The following INHBC variants were observed in gnomAD, a reference collection of about 807,000 sequenced individuals.
The protein encoded by INHBC is inhibin subunit beta C, also known as inhibin beta C chain.
INHBC carries 10 observed loss-of-function variants against 12.4 expected under a neutral mutation model. That is an observed-to-expected ratio of 0.81 (90% CI 0.50 to 1.37). The LOEUF (loss-of-function observed/expected upper bound fraction) is 1.37. INHBC is among the 40% of genes most tolerant of loss of function. The probability of loss-of-function intolerance (pLI) is 0.00; values close to 1 mark genes in which losing one functional copy is unlikely to be tolerated. For missense variants in INHBC, 382 were observed against 439.4 expected (o/e 0.87, Z 1.17); for synonymous variants, 147 against 171.6 (o/e 0.86, Z 1.12).
intron 1 of INHBC, among the ~76,000 whole-genome samples, chr12:57,443,036 A>G (rs1393490405): frequency 1.3e-5 from 2 of 150,026 alleles, no homozygotes; most frequent in East Asian, 3.9e-4. Context: ...TCCAATTTAC[A>G]TGAAGCCTAG....
At chr12:57,440,754 A>G (rs1388015466) in intron 1 of INHBC, among the ~76,000 whole-genome samples, 1 of 152,188 alleles carries the variant, frequency 6.6e-6, no homozygotes, top group Non-Finnish European at 1.5e-5. Flanking sequence ...ACTTTGTTAG[A>G]TATCTTTCCT....
chr12:57,445,530 C>A (rs1336449463), intron 1 of INHBC, among the ~76,000 whole-genome samples: 1 of 152,038 alleles, frequency 6.6e-6, no homozygotes, highest in Non-Finnish European at 1.5e-5. Context: ...TTAAGCAATG[C>A]GTTTATGGGG....
Position 57,442,991 on chromosome 12 carries a change from C to CAA in INHBC, c.314-6271_314-6270dup, listed in dbSNP as rs1279356405. The stretch of plus-strand genomic sequence containing the variant: ...AGGCGACAAGAGTGAGACTCCGTCT[C>CAA]AAAAAAAAAAAAAAAAGAACCTTAT... On this transcript the variant is annotated intron_variant, in intron 1 of 1. Coordinates refer to ENST00000309668, the MANE Select transcript of INHBC (RefSeq NM_005538.4). Among the ~76,000 whole-genome samples the CAA allele has an allele frequency of 8.7e-4, 54 of 62,404 alleles. 1 individual carries two copies. The East Asian group carries it at 0.016, about 18-fold the overall frequency. 40.9% of individuals were successfully genotyped at this position (62,404 alleles called of 152,430 possible).
chr12:57,438,684 C>T (rs1219800790), intron 1 of INHBC, among the ~76,000 whole-genome samples: 1 of 152,214 alleles, frequency 6.6e-6, no homozygotes, highest in African/African-American at 2.4e-5. Context: ...TAGACGAAGG[C>T]ATGAAAGCCA....
chr12:57,450,002 G>A lies in INHBC; in HGVS notation c.1039G>A (p.Glu347Lys), dbSNP rs745369860. 1 of 1,522,798 alleles carries A rather than the reference G, an allele frequency of 6.6e-7. No homozygotes were observed. Among genetic ancestry groups the A allele is most frequent in the Non-Finnish European group, 8.8e-7 (1 of 1,135,642 alleles). 94.3% of individuals were successfully genotyped at this position (1,522,798 alleles called of 1,614,324 possible). ...VKTDIPDMVVEACGCS is the reference protein window; with the variant it reads ...VKTDIPDMVVKACGCS The stretch of plus-strand genomic sequence containing the variant: ...GACTGACATACCTGACATGGTAGTA[G>A]AGGCCTGTGGGTGCAGTTAGTCTAT... The change falls in exon 2 of 2, where the codon GAG (glutamate) becomes AAG (lysine). Residue 347 changes from glutamate to lysine, a missense_variant. Physicochemically the swap from Glu to Lys is moderately conservative, Grantham distance 56. Transcript: ENST00000309668.
intron 1 of INHBC, among the ~76,000 whole-genome samples, chr12:57,439,827 G>A (rs531778506): frequency 1.3e-5 from 2 of 152,282 alleles, no homozygotes; most frequent in African/African-American, 4.8e-5. Flanking sequence ...ATCTTAACAA[G>A]CAAAGCGTTT....
At position 57,451,761 on chromosome 12, in the gene INHBC, AC is replaced by A. The variant is rs1870716544; in HGVS notation, c.*1741del. 3 of 438,524 alleles carry A rather than the reference AC, an allele frequency of 6.8e-6. No individual in the cohort carries two copies. The Admixed American group carries it at 7.6e-5, about 11-fold the overall frequency. 27.2% of individuals were successfully genotyped at this position (438,524 alleles called of 1,614,324 possible). ...CTGAGCAACCCATGGAAGTTATCCC[AC>A]CTTTGACTTGAGGAGACCTTCATCT... On this transcript the variant is annotated 3_prime_UTR_variant, in exon 2 of 2. Coordinates refer to ENST00000309668, the MANE Select transcript of INHBC (RefSeq NM_005538.4).
chr12:57,450,602 AT>A lies in INHBC; in HGVS notation c.*586del. On this transcript the variant is annotated 3_prime_UTR_variant, in exon 2 of 2. Transcript: ENST00000309668. ...AAGCTCTCTTTGCATACCTTCATCCATTTTTTGTCCTTCTCTGCCTTTCTCT... is the reference window on the plus strand; with the variant it reads ...AAGCTCTCTTTGCATACCTTCATCCATTTTTGTCCTTCTCTGCCTTTCTCT... The A allele has an allele frequency of 6.6e-6, 1 of 152,118 alleles. No individual in the cohort carries two copies. The highest frequency in any genetic ancestry group is 1.5e-5 in the Non-Finnish European group (1 of 68,022). 9.4% of individuals were successfully genotyped at this position (152,118 alleles called of 1,614,324 possible).
chr12:57,447,893 ATATAT>A (rs1413115315), intron 1 of INHBC, among the ~76,000 whole-genome samples: 5 of 20,328 alleles, frequency 2.5e-4, no homozygotes, highest in African/African-American at 5.9e-4. Context: ...AAAAAAAAAA[ATATAT>A]ATATATATAT....
Position 57,449,628 on chromosome 12 carries a change from C to T in INHBC, c.665C>T (p.Ala222Val), listed in dbSNP as rs1440337524. 2.5e-6 allele frequency: 4 copies of T among 1,614,250 alleles called. No individual in the cohort carries two copies. Among genetic ancestry groups the T allele is most frequent in the Non-Finnish European group, 3.4e-6 (4 of 1,180,046 alleles). Reference protein sequence around the residue: ...LGGAAHRPFVAARVRVGGKHQ... With the variant: ...LGGAAHRPFVVARVRVGGKHQ... ...GGAGCTGCCCATAGGCCTTTTGTGGCAGCCCGGGTGAGAGTTGGGGGCAAA... is the reference window on the plus strand; with the variant it reads ...GGAGCTGCCCATAGGCCTTTTGTGGTAGCCCGGGTGAGAGTTGGGGGCAAA... Residue 222 changes from alanine (A) to valine (V), a missense_variant, in exon 2 of 2, where the codon GCA (alanine) becomes GTA (valine). Ala to Val is a moderately conservative substitution (Grantham distance 64). Coordinates refer to ENST00000309668, the MANE Select transcript of INHBC (RefSeq NM_005538.4).
At position 57,445,837 on chromosome 12, in the gene INHBC, G is replaced by A. The variant is rs11172219; in HGVS notation, c.314-3440G>A. Among the ~76,000 whole-genome samples the A allele has an allele frequency of 8.9e-3, 1,308 of 147,454 alleles. 17 individuals are homozygous for A. Among genetic ancestry groups the A allele is most frequent in the African/African-American group, 0.03 (1,217 of 39,962 alleles). On this transcript the variant is annotated intron_variant, in intron 1 of 1. Transcript: ENST00000309668. ...CTCGGCTCACTGCAACCTCTGCCTC[G>A]CAGGTTCAAGTGATTCTCCTGCCTC...
chr12:57,445,925 TTTTG>T (rs929011963), intron 1 of INHBC, among the ~76,000 whole-genome samples: 7 of 151,508 alleles, frequency 4.6e-5, no homozygotes, highest in African/African-American at 7.3e-5. Flanking sequence ...TTGGTGGTTT[TTTTG>T]TTTGTTTGTT....
rs1029819123 is a variant in INHBC at position 57,450,602 on chromosome 12, A to G, written c.*580A>G. 6.6e-6 allele frequency: 1 copy of G among 152,000 alleles called. No individual in the cohort carries two copies. The highest frequency in any genetic ancestry group is 2.4e-5 in the African/African-American group (1 of 41,328). The allele number at this position is 152,000 out of a possible 1,614,324, so 9.4% of individuals were successfully genotyped here. On this transcript the variant is annotated 3_prime_UTR_variant, in exon 2 of 2. Coordinates refer to ENST00000309668, the MANE Select transcript of INHBC (RefSeq NM_005538.4). ...AAGCTCTCTTTGCATACCTTCATCC[A>G]TTTTTTGTCCTTCTCTGCCTTTCTC...
chr12:57,445,978 A>G (rs954371069), intron 1 of INHBC, among the ~76,000 whole-genome samples: 1 of 151,736 alleles, frequency 6.6e-6, no homozygotes, highest in African/African-American at 2.4e-5. Flanking sequence ...TGTGTTGCCC[A>G]GGGTGGAGTG....
At position 57,450,429 on chromosome 12, in the gene INHBC, A is replaced by C. The variant is rs1870688407; in HGVS notation, c.*407A>C. The C allele has an allele frequency of 6.4e-6, 1 of 156,836 alleles. No individual in the cohort carries two copies. The highest frequency in any genetic ancestry group is 1.4e-5 in the Non-Finnish European group (1 of 71,482). 9.7% of individuals were successfully genotyped at this position (156,836 alleles called of 1,614,324 possible). On this transcript the variant is annotated 3_prime_UTR_variant, in exon 2 of 2. Transcript: ENST00000309668. ...CCCCACTCCAAGATGAGTTGACACA[A>C]CCCCTTCCCCCAATTTTTGTGGATC...
intron 1 of INHBC, among the ~76,000 whole-genome samples, chr12:57,445,795 C>T (rs1870563715): frequency 1.4e-5 from 2 of 139,422 alleles, no homozygotes; most frequent in Non-Finnish European, 1.5e-5. Context: ...GGCTAGAGTG[C>T]AATGCAATGG....
At chr12:57,448,546 G>C (rs1380426394) in intron 1 of INHBC, among the ~76,000 whole-genome samples, 1 of 146,194 alleles carries the variant, frequency 6.8e-6, no homozygotes, top group Non-Finnish European at 1.5e-5. Context: ...TCCAGCCTAG[G>C]TGACAGAATG....
chr12:57,444,180 A>G (rs1300362624), intron 1 of INHBC, among the ~76,000 whole-genome samples: 1 of 152,202 alleles, frequency 6.6e-6, no homozygotes, highest in African/African-American at 2.4e-5. Flanking sequence ...CGCTGTTTTC[A>G]TGGAGCTTAC....
In INHBC at chr12:57,437,879, G is replaced by A. The variant is rs182523306; in HGVS notation, c.313+2680G>A. ...CAGCTCACTGCAACCCCCGCCTCCC[G>A]GGTTCAAGCCATTCTCCTGCCTCAG... is the stretch of plus-strand genomic sequence containing the variant. On this transcript the variant is annotated intron_variant, in intron 1 of 1. Transcript: ENST00000309668. Among the ~76,000 whole-genome samples, 593 of 151,736 alleles carry A rather than the reference G, an allele frequency of 3.9e-3. 7 individuals are homozygous for A. The highest frequency in any genetic ancestry group is 0.028 in the Middle Eastern group (8 of 288).
Sources: allele counts gnomAD v4.1 joint callset (sites outside exome capture counted in the v4.1 genomes callset), GRCh38; gene constraint gnomAD v4.1.1; transcripts MANE v1.5; gene names NCBI Gene and HGNC (gene_info 2026-07-23, HGNC 2026-07-21).